The following FSD2 variants were observed in gnomAD, a reference collection of about 807,000 sequenced individuals.
The protein encoded by FSD2 is fibronectin type III and SPRY domain containing 2.
In FSD2, 71 loss-of-function variants were observed where a neutral mutation model predicts 80.4. The ratio of observed to expected loss-of-function variants is 0.88; its 90% CI spans 0.73 to 1.08. The LOEUF (loss-of-function observed/expected upper bound fraction) is 1.08. FSD2 is among the 50% of genes least tolerant of loss of function. The pLI, the probability that FSD2 is intolerant of heterozygous loss-of-function variation, is 0.00. For missense variants in FSD2, 923 were observed against 913.8 expected (o/e 1.01, Z -0.13); for synonymous variants, 361 against 329.5 (o/e 1.10, Z -1.03).
chr15:82,788,591 A>G (rs187516492), intron 1 of FSD2, among the ~76,000 whole-genome samples: 3 of 152,064 alleles, frequency 2.0e-5, no homozygotes, highest in African/African-American at 7.2e-5. Context: ...AAAAATATCA[A>G]AAGTGATACC....
At position 82,756,191 on chromosome 15, in the gene FSD2, G is replaced by T. The variant is rs1391660690; in HGVS notation, c.*3157C>A. 3.4e-6 allele frequency: 1 copy of T among 293,406 alleles called. No homozygotes were observed. Among genetic ancestry groups the T allele is most frequent in the East Asian group, 7.2e-5 (1 of 13,912 alleles). The allele number at this position is 293,406 out of a possible 1,614,324, so 18.2% of individuals were successfully genotyped here. On this transcript the variant is annotated 3_prime_UTR_variant, in exon 13 of 13. Transcript: ENST00000334574. ...TTGCTCTACTAATTGATAGGAAGGT[G>T]ACTAGAAATTGGCGAAGTTTTCTTG...
At chr15:82,760,745 A>ACT (rs1382487020) in intron 12 of FSD2, among the ~76,000 whole-genome samples, 108 of 151,784 alleles carry the variant, frequency 7.1e-4, no homozygotes, top group African/African-American at 2.5e-3. Context: ...GCACGCACAC[A>ACT]CACACACACA....
intron 12 of FSD2, among the ~76,000 whole-genome samples, chr15:82,760,681 C>T (rs2049271867): frequency 6.6e-6 from 1 of 151,834 alleles, no homozygotes; most frequent in South Asian, 2.1e-4. Context: ...AGACCTTATC[C>T]TAGGATACCT....
rs781350399 is a variant in FSD2 at position 82,769,893 on chromosome 15, A to T, written c.1268-9T>A. ...GACAGTCACTGTAAACTCTGGGGAA[A>T]AAAAAAGATAAGAATTCAACCCTAA... On this transcript the variant is annotated splice_polypyrimidine_tract_variant and intron_variant, in intron 7 of 12. Coordinates refer to ENST00000334574, the MANE Select transcript of FSD2 (RefSeq NM_001007122.4). The T allele has an allele frequency of 6.2e-7, 1 of 1,613,204 alleles. No individual in the cohort carries two copies. The highest frequency in any genetic ancestry group is 8.5e-7 in the Non-Finnish European group (1 of 1,179,332).
chr15:82,760,612 T>C (rs1428382099), intron 12 of FSD2, among the ~76,000 whole-genome samples: 1 of 151,480 alleles, frequency 6.6e-6, no homozygotes, highest in East Asian at 2.0e-4. Flanking sequence ...TTTCTTCTAC[T>C]TTCTATGCTA....
chr15:82,777,771 T>C (rs2151506509), intron 6 of FSD2, among the ~76,000 whole-genome samples: 1 of 150,140 alleles, frequency 6.7e-6, no homozygotes, highest in Admixed American at 6.7e-5. Context: ...CACTTGAACC[T>C]GGGAGGTGGA....
At position 82,787,254 on chromosome 15, in the gene FSD2, A is replaced by G. The variant is rs1273803082; in HGVS notation, c.137T>C (p.Val46Ala). The change falls in exon 2 of 13, where the codon GTA becomes GCA. Residue 46 changes from valine (V) to alanine (A), a missense_variant. Physicochemically the swap from Val to Ala is moderately conservative, Grantham distance 64 (BLOSUM62 0). Transcript: ENST00000334574. ...CTCATTGGCCATTTCAGCTTGGACT[A>G]CTTTCCTCATCCTAGTGTTCTCTTC... ...FPEENTRMRK[V>A]VQAEMANESR... is the part of the protein sequence containing the mutation. 3 of 1,613,774 alleles carry G rather than the reference A, an allele frequency of 1.9e-6. No homozygotes were observed. The highest frequency in any genetic ancestry group is 3.3e-5 in the Admixed American group (2 of 59,990).
In FSD2 at chr15:82,780,379, G is replaced by T. The variant is rs1466889389; in HGVS notation, c.967-112C>A. 4 of 719,662 alleles carry T rather than the reference G, an allele frequency of 5.6e-6. No individual in the cohort carries two copies. In the East Asian group the frequency reaches 9.6e-5, roughly 17 times the overall value. The allele number at this position is 719,662 out of a possible 1,614,324, so 44.6% of individuals were successfully genotyped here. A position where few individuals can be genotyped will look rare whatever the true frequency, so the allele number is the denominator to read the frequency against. On this transcript the variant is annotated intron_variant, in intron 4 of 12. Coordinates refer to ENST00000334574, the MANE Select transcript of FSD2 (RefSeq NM_001007122.4). ...AAATGGAGTCTCACTCTGTCCCCCA[G>T]GCTGGAGTGCAATGGCACAATCTCG...
intron 6 of FSD2, among the ~76,000 whole-genome samples, chr15:82,776,512 A>C (rs1259976807): frequency 6.6e-6 from 1 of 152,210 alleles, no homozygotes; most frequent in East Asian, 1.9e-4. Flanking sequence ...TAAAATACTT[A>C]GAAATAAACT....
At position 82,762,127 on chromosome 15, in the gene FSD2, T is replaced by C; in HGVS notation, c.1972A>G (p.Met658Val). 6.2e-7 allele frequency: 1 copy of C among 1,606,842 alleles called. No homozygotes were observed. The highest frequency in any genetic ancestry group is 8.5e-7 in the Non-Finnish European group (1 of 1,176,510). ...CTTGATGATGCAAATGTGTGCCTCA[T>C]GCACCAGGAGAGGCAATTTGCTCCC... ...DLGANCLSWC[M>V]RHTFASSRHK... The change falls in exon 12 of 13, where the codon ATG (methionine) becomes GTG (valine). Residue 658 changes from methionine (M) to valine (V), a missense_variant. By Grantham distance (21) the Met-to-Val change is conservative. Transcript: ENST00000334574.
chr15:82,778,641 ATATTG>A (rs773433109), intron 6 of FSD2, 120 bp downstream of exon 6: 4 of 1,065,198 alleles, frequency 3.8e-6, no homozygotes, highest in East Asian at 5.2e-5. Flanking sequence ...GTATTTAACA[ATATTG>A]TATTGTACAC....
intron 1 of FSD2, among the ~76,000 whole-genome samples, chr15:82,805,575 T>C (rs1455228693): frequency 1.3e-5 from 2 of 152,258 alleles, no homozygotes; most frequent in African/African-American, 2.4e-5. Flanking sequence ...TTTTTCAGCA[T>C]GTACACACAG....
At chr15:82,786,704 A>G in intron 2 of FSD2, 48 bp downstream of exon 2, 3 of 1,608,880 alleles carry the variant, frequency 1.9e-6, no homozygotes, top group Non-Finnish European at 2.5e-6. Flanking sequence ...TGTACTTGAG[A>G]TACCAAAGCA....
Position 82,757,351 on chromosome 15 carries a change from C to CTTTTTT in FSD2, c.*1991_*1996dup, listed in dbSNP as rs71455423. 1.8e-5 allele frequency: 2 copies of CTTTTTT among 112,098 alleles called. No homozygotes were observed. The highest frequency in any genetic ancestry group is 3.3e-5 in the African/African-American group (1 of 30,010). 6.9% of individuals were successfully genotyped at this position (112,098 alleles called of 1,614,324 possible). ...TAGTTTCTATTTCAGTAGCTGAGAA[C>CTTTTTT]TTTTTTTTTTTTTTTTTTTGAGATG... On this transcript the variant is annotated 3_prime_UTR_variant, in exon 13 of 13. Coordinates refer to ENST00000334574, the MANE Select transcript of FSD2 (RefSeq NM_001007122.4).
chr15:82,804,374 A>T (rs1255091427), intron 1 of FSD2, among the ~76,000 whole-genome samples: 1 of 152,168 alleles, frequency 6.6e-6, no homozygotes, highest in African/African-American at 2.4e-5. Context: ...TGTTTAAAAA[A>T]AATTCCTGAT....
At chr15:82,765,382 G>T in intron 10 of FSD2, 84 bp from the exon 11 acceptor site, 1 of 1,574,414 alleles carries the variant, frequency 6.4e-7, no homozygotes, top group Admixed American at 1.7e-5. Context: ...TTAGCTTCGT[G>T]TGGGATACAC....
intron 1 of FSD2, among the ~76,000 whole-genome samples, chr15:82,789,354 TATAATAATAATA>T (rs35989908): frequency 1.3e-5 from 2 of 148,890 alleles, no homozygotes; most frequent in Non-Finnish European, 3.0e-5. Context: ...TCTAGAAGGA[TATAATAATAATA>T]ATAATAATAA....
chr15:82,792,119 G>T (rs73445063), intron 1 of FSD2, among the ~76,000 whole-genome samples: 1,914 of 152,298 alleles, frequency 0.013, 40 homozygotes, highest in African/African-American at 0.045. Flanking sequence ...ATACCCAGGG[G>T]TGAGTAAACA....
intron 1 of FSD2, among the ~76,000 whole-genome samples, chr15:82,795,984 CTTTTCT>C (rs1204932845): frequency 6.8e-6 from 1 of 148,030 alleles, no homozygotes; most frequent in African/African-American, 2.5e-5. Context: ...TTTTGATTTC[CTTTTCT>C]TTTTCTTTTC....
Sources: gnomAD v4.1 joint callset for allele counts (sites outside exome capture counted in the v4.1 genomes callset) on GRCh38, gnomAD v4.1.1 for gene constraint, MANE v1.5 for transcripts, NCBI Gene and HGNC (gene_info 2026-07-23, HGNC 2026-07-21) for gene names.